The following IQSEC3 variants were observed in gnomAD, a reference collection of about 807,000 sequenced individuals.
IQSEC3 encodes the protein IQ motif and Sec7 domain ArfGEF 3, also known as IQ motif and SEC7 domain-containing protein 3.
IQSEC3 carries 50 observed loss-of-function variants against 105.4 expected under a neutral mutation model. That is an observed-to-expected ratio of 0.47 (90% CI 0.38 to 0.60). IQSEC3 has a LOEUF of 0.60. IQSEC3 is among the 20% of genes least tolerant of loss of function. The pLI, the probability that IQSEC3 is intolerant of heterozygous loss-of-function variation, is 0.00. For missense variants in IQSEC3, 1,415 were observed against 1,630.0 expected (o/e 0.87, Z 2.27); for synonymous variants, 708 against 746.0 (o/e 0.95, Z 0.83).
At chr12:155,515 C>T (rs956884194) in intron 5 of IQSEC3, among the ~76,000 whole-genome samples, 2 of 152,212 alleles carry the variant, frequency 1.3e-5, no homozygotes, top group Non-Finnish European at 1.5e-5. Flanking sequence ...GCACTTTTCT[C>T]CTTGTTCTCC....
At chr12:118,663 C>T (rs1555081176) in intron 2 of IQSEC3, among the ~76,000 whole-genome samples, 2 of 152,232 alleles carry the variant, frequency 1.3e-5, no homozygotes, top group Non-Finnish European at 2.9e-5. Flanking sequence ...CAAGCTCCTG[C>T]TCTGGCAAGC....
chr12:79,008 C>A (rs1565379921), intron 1 of IQSEC3, among the ~76,000 whole-genome samples: 1 of 152,198 alleles, frequency 6.6e-6, no homozygotes. Context: ...AGGCAGATAG[C>A]CATCCTTCCC....
intron 1 of IQSEC3, among the ~76,000 whole-genome samples, chr12:77,006 T>A (rs1296654170): frequency 6.6e-6 from 1 of 152,260 alleles, no homozygotes; most frequent in Non-Finnish European, 1.5e-5. Flanking sequence ...CTACCACAAT[T>A]TTCATTCAAT....
Position 172,129 on chromosome 12 carries a change from G to A in IQSEC3, c.3114+968G>A, listed in dbSNP as rs557557529. 3.3e-5 allele frequency among the ~76,000 whole-genome samples: 5 copies of A among 152,242 alleles called. No individual in the cohort carries two copies. In the South Asian group the frequency reaches 1.0e-3, roughly 32 times the overall value. On this transcript the variant is annotated intron_variant, in intron 13 of 13. Transcript: ENST00000538872. Reference sequence around the variant, plus strand: ...CTCGACCCGGAGGGGCCCCCATTAGGTGTCTTAGGAAGCTGCCCTACCCAT... The same window carrying A: ...CTCGACCCGGAGGGGCCCCCATTAGATGTCTTAGGAAGCTGCCCTACCCAT...
intron 1 of IQSEC3, among the ~76,000 whole-genome samples, chr12:77,989 G>C (rs1404218060): frequency 6.6e-6 from 1 of 151,806 alleles, no homozygotes. Flanking sequence ...TCCTCGCGGG[G>C]GCGGCGGCGA....
intron 1 of IQSEC3, among the ~76,000 whole-genome samples, chr12:93,100 G>A (rs1864141957): frequency 6.6e-6 from 1 of 152,190 alleles, no homozygotes; most frequent in Non-Finnish European, 1.5e-5. Context: ...AGGTGCAGGA[G>A]CTACTATTAT....
intron 5 of IQSEC3, chr12:144,298 C>G (rs1355263296): frequency 6.6e-6 from 1 of 152,204 alleles, no homozygotes; most frequent in Non-Finnish European, 1.5e-5. Context: ...GGAGAAAACA[C>G]ACACACTAAC....
At chr12:137,587 AT>A (rs1865816093) in intron 3 of IQSEC3, 1 of 150,658 alleles carries the variant, frequency 6.6e-6, no homozygotes, top group African/African-American at 2.4e-5. Context: ...GATATCATGC[AT>A]TTTACCCATA....
intron 2 of IQSEC3, among the ~76,000 whole-genome samples, chr12:108,734 G>A (rs1555078697): frequency 1.3e-5 from 2 of 152,224 alleles, no homozygotes; most frequent in African/African-American, 4.8e-5. Context: ...GTCTTTAGCC[G>A]GGCTCTGCCG....
At chr12:109,496 C>G (rs1432068995) in intron 2 of IQSEC3, among the ~76,000 whole-genome samples, 1 of 152,196 alleles carries the variant, frequency 6.6e-6, no homozygotes, top group Admixed American at 6.5e-5. Flanking sequence ...TCCACTCACC[C>G]TTCCACATCC....
intron 1 of IQSEC3, among the ~76,000 whole-genome samples, chr12:68,078 CATTTAGGGAAG>C: frequency 6.6e-6 from 1 of 150,714 alleles, no homozygotes; most frequent in East Asian, 1.9e-4. Flanking sequence ...AGGAGTGGCT[CATTTAGGGAAG>C]CTTTCTCTTC....
intron 1 of IQSEC3, among the ~76,000 whole-genome samples, chr12:86,925 TC>T (rs1863935728): frequency 6.6e-6 from 1 of 151,988 alleles, no homozygotes; most frequent in South Asian, 2.1e-4. Flanking sequence ...CCTACAGCTC[TC>T]CGTGAAATTG....
intron 11 of IQSEC3, among the ~76,000 whole-genome samples, chr12:168,327 G>A (rs1198042767): frequency 6.6e-6 from 1 of 152,164 alleles, no homozygotes; most frequent in African/African-American, 2.4e-5. Context: ...CACACCCTCG[G>A]TGTGGACTTT....
intron 1 of IQSEC3, among the ~76,000 whole-genome samples, chr12:88,243 C>G (rs149784792): frequency 1.3e-5 from 2 of 152,226 alleles, no homozygotes; most frequent in South Asian, 4.1e-4. Context: ...CCATTCTCCT[C>G]TTAACCTTAA....
intron 2 of IQSEC3, among the ~76,000 whole-genome samples, chr12:117,308 C>T (rs991161170): frequency 1.3e-5 from 2 of 152,126 alleles, no homozygotes; most frequent in Non-Finnish European, 2.9e-5. Flanking sequence ...TGTTGGGAAG[C>T]GGGCAGGGAG....
chr12:73,733 C>A (rs1448271582), intron 1 of IQSEC3, among the ~76,000 whole-genome samples: 1 of 152,256 alleles, frequency 6.6e-6, no homozygotes, highest in Non-Finnish European at 1.5e-5. Flanking sequence ...AAAGGTTCAC[C>A]TGTTGTCAGA....
chr12:117,344 A>G (rs928181470), intron 2 of IQSEC3, among the ~76,000 whole-genome samples: 1 of 152,178 alleles, frequency 6.6e-6, no homozygotes, highest in African/African-American at 2.4e-5. Flanking sequence ...TGAAATTGCC[A>G]CCAGAGCCAT....
intron 12 of IQSEC3, among the ~76,000 whole-genome samples, chr12:169,716 C>T (rs1447471843): frequency 1.3e-5 from 2 of 152,204 alleles, no homozygotes; most frequent in Admixed American, 6.5e-5. Flanking sequence ...CCTGCCCCAA[C>T]CTTACCCCAC....
At chr12:165,290 G>A (rs1373886414) in intron 9 of IQSEC3, 144 bp from the exon 10 acceptor site, 15 of 678,482 alleles carry the variant, frequency 2.2e-5, no homozygotes, top group Non-Finnish European at 4.0e-5. Context: ...GATAGTGTGT[G>A]CACATATATG....
Sources: gnomAD v4.1 joint callset for allele counts (sites outside exome capture counted in the v4.1 genomes callset) on GRCh38, gnomAD v4.1.1 for gene constraint, MANE v1.5 for transcripts, NCBI Gene and HGNC (gene_info 2026-07-23, HGNC 2026-07-21) for gene names.